RUNX1T1: variants seen among roughly 807,000 people sequenced by gnomAD.
RUNX1T1 encodes the protein RUNX1 partner transcriptional co-repressor 1, also known as protein CBFA2T1.
A neutral mutation model predicts 62.8 loss-of-function variants in RUNX1T1; 4 were observed. The ratio of observed to expected loss-of-function variants is 0.06; its 90% CI spans 0.03 to 0.15. The LOEUF is 0.15. Ranked by LOEUF, RUNX1T1 falls within the 10% of genes least tolerant of loss-of-function variation. The probability of loss-of-function intolerance (pLI) is 1.00; values close to 1 mark genes in which losing one functional copy is unlikely to be tolerated. For missense variants in RUNX1T1, 508 were observed against 754.3 expected (o/e 0.67, Z 3.82); for synonymous variants, 291 against 286.0 (o/e 1.02, Z -0.18).
chr8:91,999,207 G>A (rs1178720679), intron 5 of RUNX1T1, among the ~76,000 whole-genome samples: 1 of 152,096 alleles, frequency 6.6e-6, no homozygotes, highest in Non-Finnish European at 1.5e-5. Flanking sequence ...TATACAGAAG[G>A]TACCATTAAA....
At chr8:92,058,187 G>A (rs1318912811) in intron 1 of RUNX1T1, among the ~76,000 whole-genome samples, 1 of 152,214 alleles carries the variant, frequency 6.6e-6, no homozygotes, top group East Asian at 1.9e-4. Context: ...GGCATGGAGG[G>A]ACTGAATCAT....
chr8:92,093,237 A>T (rs1319159159), intron 1 of RUNX1T1, among the ~76,000 whole-genome samples: 1 of 152,212 alleles, frequency 6.6e-6, no homozygotes, highest in Non-Finnish European at 1.5e-5. Context: ...ATTGTCATGT[A>T]TAAGTCATAG....
chr8:91,998,917 G>A lies in RUNX1T1; in HGVS notation c.659+6199C>T, dbSNP rs1819232694. ...CTAAACAAAAAAATAAAGATGCCTG[G>A]AAGAGAGACCATTTAATACACTACT... On this transcript the variant is annotated intron_variant, in intron 5 of 10. Coordinates refer to ENST00000396218, the Ensembl canonical transcript of RUNX1T1. Among the ~76,000 whole-genome samples, 3 of 152,136 alleles carry A rather than the reference G, an allele frequency of 2.0e-5. No homozygotes were observed. The South Asian group carries it at 6.2e-4, about 31-fold the overall frequency.
At chr8:92,014,807 C>G in exon 3 of RUNX1T1, 1 of 1,608,768 alleles carries the variant, frequency 6.2e-7, no homozygotes, top group African/African-American at 1.3e-5. Context: ...GAGAATGGCT[C>G]GTGCCATTAG....
At chr8:92,032,327 C>A (rs1826420052) in intron 1 of RUNX1T1, among the ~76,000 whole-genome samples, 1 of 152,034 alleles carries the variant, frequency 6.6e-6, no homozygotes, top group African/African-American at 2.4e-5. Context: ...ACTAGACAGA[C>A]AACAATTCAT....
chr8:91,996,548 A>G (rs1414538087), intron 5 of RUNX1T1, among the ~76,000 whole-genome samples: 1 of 152,142 alleles, frequency 6.6e-6, no homozygotes, highest in African/African-American at 2.4e-5. Flanking sequence ...CCTTACCAGG[A>G]GACATTTTCC....
At chr8:92,069,556 A>T (rs955540799) in intron 2 of RUNX1T1, among the ~76,000 whole-genome samples, 1 of 152,198 alleles carries the variant, frequency 6.6e-6, no homozygotes, top group Non-Finnish European at 1.5e-5. Context: ...AACAATTCAA[A>T]GTTACTCAAA....
intron 1 of RUNX1T1, among the ~76,000 whole-genome samples, chr8:92,044,228 A>G (rs1217856856): frequency 2.0e-5 from 3 of 152,190 alleles, no homozygotes; most frequent in Non-Finnish European, 2.9e-5. Flanking sequence ...TTACACAAAA[A>G]TTCAATAGTA....
chr8:92,022,013 T>TTTTAACATTTATCACA (rs1389131507), intron 1 of RUNX1T1, among the ~76,000 whole-genome samples: 8 of 151,718 alleles, frequency 5.3e-5, no homozygotes, highest in Admixed American at 2.6e-4. Flanking sequence ...ACATTACCTC[T>TTTTAACATTTATCACA]GCCTTTCTTT....
intron 1 of RUNX1T1, among the ~76,000 whole-genome samples, chr8:92,023,791 T>G (rs1473448325): frequency 6.6e-6 from 1 of 152,148 alleles, no homozygotes; most frequent in Non-Finnish European, 1.5e-5. Context: ...CCCTCTAATC[T>G]CATAACTACC....
intron 2 of RUNX1T1, 92 bp from the exon 4 acceptor site, chr8:92,014,912 C>G (rs1252105166): frequency 7.8e-7 from 1 of 1,281,990 alleles, no homozygotes; most frequent in East Asian, 2.4e-5. Context: ...TTTACATCTA[C>G]TAGTTTTATA....
At chr8:91,960,060 T>C (rs1810089147) in exon 11 of RUNX1T1, 2 of 627,810 alleles carry the variant, frequency 3.2e-6, no homozygotes, top group South Asian at 4.0e-5. Flanking sequence ...GACCCGTTAC[T>C]GGCCCTCTGT....
intron 1 of RUNX1T1, among the ~76,000 whole-genome samples, chr8:92,030,531 A>G (rs1826030643): frequency 1.3e-5 from 2 of 152,218 alleles, no homozygotes; most frequent in Non-Finnish European, 2.9e-5. Context: ...AAAGAATAAA[A>G]TAACAACTGA....
intron 1 of RUNX1T1, among the ~76,000 whole-genome samples, chr8:92,043,208 A>G (rs1448195764): frequency 6.6e-6 from 1 of 152,222 alleles, no homozygotes; most frequent in African/African-American, 2.4e-5. Context: ...CCAAAAAAAT[A>G]AAGTTTCCAC....
intron 1 of RUNX1T1, among the ~76,000 whole-genome samples, chr8:92,018,907 T>A (rs1587042130): frequency 6.6e-6 from 1 of 152,294 alleles, no homozygotes; most frequent in African/African-American, 2.4e-5. Context: ...AATCTATACT[T>A]CTGGCTGAAT....
chr8:92,039,144 GT>G (rs71563486), intron 1 of RUNX1T1, among the ~76,000 whole-genome samples: 134 of 137,044 alleles, frequency 9.8e-4, no homozygotes, highest in Middle Eastern at 3.9e-3. Flanking sequence ...TTTTGTTGTT[GT>G]TTTTTTTTTT....
intron 1 of RUNX1T1, among the ~76,000 whole-genome samples, chr8:92,079,860 G>A (rs531654417): frequency 2.6e-5 from 4 of 152,008 alleles, no homozygotes; most frequent in South Asian, 2.1e-4. Flanking sequence ...CTGACTTCAC[G>A]GCCCTTCCCA....
At chr8:91,975,652 G>A (rs1813761990) in intron 9 of RUNX1T1, among the ~76,000 whole-genome samples, 1 of 152,064 alleles carries the variant, frequency 6.6e-6, no homozygotes, top group African/African-American at 2.4e-5. Flanking sequence ...TTTTATAATG[G>A]AAATATTGCC....
intron 1 of RUNX1T1, among the ~76,000 whole-genome samples, chr8:92,018,215 G>T (rs1244061407): frequency 1.3e-5 from 2 of 152,150 alleles, no homozygotes; most frequent in Non-Finnish European, 2.9e-5. Flanking sequence ...ATTCTGAACT[G>T]TTTTTCTCAA....
Sources: allele counts gnomAD v4.1 joint callset (sites outside exome capture counted in the v4.1 genomes callset), GRCh38; gene constraint gnomAD v4.1.1; transcripts MANE v1.5; gene names NCBI Gene and HGNC (gene_info 2026-07-23, HGNC 2026-07-21).